The following PTK7 variants were observed in gnomAD, a reference collection of about 807,000 sequenced individuals.
PTK7 encodes inactive tyrosine-protein kinase 7.
A neutral mutation model predicts 116.6 loss-of-function variants in PTK7; 39 were observed. The observed-to-expected ratio is 0.33, with a 90% CI of 0.26 to 0.44. The LOEUF (loss-of-function observed/expected upper bound fraction) is 0.44, where lower values mean the gene tolerates loss of function less well. PTK7 is among the 20% of genes least tolerant of loss of function. PTK7 has a pLI of 1.00. For missense variants in PTK7, 1,169 were observed against 1,425.6 expected, an observed-to-expected ratio of 0.82 and a Z score of 2.90; for synonymous variants, 546 against 563.6, an observed-to-expected ratio of 0.97 and a Z score of 0.44.
Position 43,142,041 on chromosome 6 carries a change from G to A in PTK7, c.1879G>A (p.Gly627Ser), listed in dbSNP as rs1242088188. ...GDPKPLIQWK[G>S]KDRILDPTKL... ...CCCCAAGCCGCTGATTCAGTGGAAA[G>A]GCAAGGACCGCATCCTGGACCCCAC... Residue 627 changes from glycine to serine, a missense_variant, in exon 12 of 20, where the codon GGC becomes AGC. Physicochemically the swap from Gly to Ser is moderately conservative, Grantham distance 56. Around this residue, in one of 3 missense-constraint regions of PTK7, gnomAD observed 678 missense variants for 853.8 expected, o/e 0.79. Coordinates refer to ENST00000230419, the MANE Select transcript of PTK7 (RefSeq NM_002821.5). The A allele has an allele frequency of 6.2e-7, 1 of 1,613,974 alleles. No homozygotes were observed. Among genetic ancestry groups the A allele is most frequent in the Non-Finnish European group, 8.5e-7 (1 of 1,179,982 alleles).
In PTK7 at chr6:43,145,543, C is replaced by A; in HGVS notation, c.2640+111C>A. On this transcript the variant is annotated intron_variant, in intron 16 of 19. Transcript: ENST00000230419. The surrounding 1 kb of genome is among the most constrained non-coding windows in gnomAD (Gnocchi z 4.8). ...AAAACCTTGTCTCGTGCAGTCTCAG[C>A]CGAGACCTCACCTGCCTGCTGTTAC... 1 of 837,842 alleles carries A rather than the reference C, an allele frequency of 1.2e-6. No individual in the cohort carries two copies. Among genetic ancestry groups the A allele is most frequent in the Non-Finnish European group, 1.7e-6 (1 of 571,980 alleles). The allele number at this position is 837,842 out of a possible 1,614,324, so 51.9% of individuals were successfully genotyped here. A position where few individuals can be genotyped will look rare whatever the true frequency, so the allele number is the denominator to read the frequency against.
chr6:43,078,805 C>T lies in PTK7; in HGVS notation c.79+2238C>T, dbSNP rs535349370. On this transcript the variant is annotated intron_variant, in intron 1 of 19. Transcript: ENST00000230419. ...GGATTCTTAACCCCAACCTCTTGTA[C>T]AGTCAGCTGTGGTCACTTCTCATTC... 2.0e-5 allele frequency among the ~76,000 whole-genome samples: 3 copies of T among 152,316 alleles called. No homozygotes were observed. The South Asian group carries it at 6.2e-4, about 32-fold the overall frequency.
chr6:43,157,326 C>CTATATATA (rs376896300), intron 17 of PTK7, among the ~76,000 whole-genome samples: 126 of 21,870 alleles, frequency 5.8e-3, no homozygotes, highest in East Asian at 0.014. Context: ...GACACACACG[C>CTATATATA]TATATATATA....
intron 17 of PTK7, among the ~76,000 whole-genome samples, chr6:43,148,366 A>G (rs1471528795): frequency 1.3e-5 from 2 of 152,348 alleles, no homozygotes; most frequent in East Asian, 3.9e-4. Flanking sequence ...GAGGTAAAAC[A>G]GAAAGCAAGT....
At chr6:43,137,445 A>C (rs766016291) in intron 7 of PTK7, among the ~76,000 whole-genome samples, 2 of 152,198 alleles carry the variant, frequency 1.3e-5, no homozygotes, top group Non-Finnish European at 2.9e-5. Flanking sequence ...AGATAGTTCT[A>C]TTGACTGAGA....
intron 1 of PTK7, among the ~76,000 whole-genome samples, chr6:43,089,612 C>T (rs1261601664): frequency 6.6e-6 from 1 of 152,172 alleles, no homozygotes; most frequent in Non-Finnish European, 1.5e-5. Flanking sequence ...CAGATTAAAC[C>T]AGTTGTTAAA....
intron 1 of PTK7, among the ~76,000 whole-genome samples, chr6:43,122,412 T>C (rs1286923069): frequency 2.0e-5 from 3 of 152,046 alleles, no homozygotes; most frequent in Admixed American, 1.3e-4. Context: ...ACATTTATGC[T>C]TCTCAGGTTG....
intron 1 of PTK7, among the ~76,000 whole-genome samples, chr6:43,089,921 C>CT (rs1766855683): frequency 6.6e-6 from 1 of 152,230 alleles, no homozygotes; most frequent in East Asian, 1.9e-4. Context: ...GGACCTTGTC[C>CT]TTTGTTACTG....
chr6:43,153,998 A>G (rs993259370), intron 17 of PTK7, among the ~76,000 whole-genome samples: 2 of 152,070 alleles, frequency 1.3e-5, no homozygotes, highest in African/African-American at 4.8e-5. Context: ...CCCCGTTTCT[A>G]CTAAAAATAA....
chr6:43,099,379 A>G (rs1484016927), intron 1 of PTK7, among the ~76,000 whole-genome samples: 4 of 151,946 alleles, frequency 2.6e-5, no homozygotes, highest in African/African-American at 4.8e-5. Context: ...ACTACAGGCA[A>G]GCACCACCAT....
rs1561990544 is a variant in PTK7 at position 43,157,360 on chromosome 6, AT to A, written c.2722-1456del. Reference sequence around the variant, plus strand: ...TATATATATATATATATATATATATATATATTTTTTTTTTTCTTTTTTTTTT... The same window carrying A: ...TATATATATATATATATATATATATAATATTTTTTTTTTTCTTTTTTTTTT... On this transcript the variant is annotated intron_variant, in intron 17 of 19. Transcript: ENST00000230419. Among the ~76,000 whole-genome samples the A allele has an allele frequency of 1.6e-3, 13 of 8,028 alleles. 2 individuals are homozygous for A. Among genetic ancestry groups the A allele is most frequent in the African/African-American group, 6.0e-3 (11 of 1,826 alleles). 5.3% of individuals were successfully genotyped at this position (8,028 alleles called of 152,430 possible).
intron 7 of PTK7, among the ~76,000 whole-genome samples, chr6:43,134,805 C>A (rs969583334): frequency 6.6e-6 from 1 of 151,418 alleles, no homozygotes; most frequent in Non-Finnish European, 1.5e-5. Flanking sequence ...AAAAATTTAG[C>A]CAGGTATGGT....
intron 1 of PTK7, among the ~76,000 whole-genome samples, chr6:43,128,644 G>A (rs186936221): frequency 2.0e-5 from 3 of 152,186 alleles, no homozygotes; most frequent in Non-Finnish European, 4.4e-5. Context: ...AATTAGCTGG[G>A]TGTGGTGGCT....
At chr6:43,099,235 C>CTTTT (rs11375658) in intron 1 of PTK7, among the ~76,000 whole-genome samples, 4,112 of 136,948 alleles carry the variant, frequency 0.03, 225 homozygotes, top group African/African-American at 0.11. Context: ...ACTATTTTTC[C>CTTTT]TTTTTTTTTT....
At chr6:43,088,789 C>T (rs1002907825) in intron 1 of PTK7, among the ~76,000 whole-genome samples, 3 of 152,118 alleles carry the variant, frequency 2.0e-5, no homozygotes, top group South Asian at 2.1e-4. Context: ...GCCTAAATCC[C>T]GATGGCTTGA....
chr6:43,135,035 G>A (rs1053966922), intron 7 of PTK7, among the ~76,000 whole-genome samples: 3 of 152,142 alleles, frequency 2.0e-5, no homozygotes, highest in African/African-American at 7.2e-5. Flanking sequence ...TTCCAACCCA[G>A]GCTCTAGGGG....
At position 43,129,296 on chromosome 6, in the gene PTK7, C is replaced by G; in HGVS notation, c.367+32C>G. ...GCCAGGGGGGCTGTGCCCAGTCCCC[C>G]TGTCAGACCCTCAATGACTGAGGCC... On this transcript the variant is annotated intron_variant, in intron 2 of 19. Transcript: ENST00000230419. The surrounding 1 kb of genome is among the most constrained non-coding windows in gnomAD (Gnocchi z 4.5). 6.2e-7 allele frequency: 1 copy of G among 1,612,064 alleles called. No individual in the cohort carries two copies. The highest frequency in any genetic ancestry group is 8.5e-7 in the Non-Finnish European group (1 of 1,178,810).
chr6:43,141,532 C>A lies in PTK7; in HGVS notation c.1619-136C>A. The A allele has an allele frequency of 9.6e-7, 1 of 1,042,556 alleles. No individual in the cohort carries two copies. The highest frequency in any genetic ancestry group is 1.4e-6 in the Non-Finnish European group (1 of 714,084). 64.6% of individuals were successfully genotyped at this position (1,042,556 alleles called of 1,614,324 possible). On this transcript the variant is annotated intron_variant, in intron 10 of 19. Coordinates refer to ENST00000230419, the MANE Select transcript of PTK7 (RefSeq NM_002821.5). The surrounding 1 kb of genome is among the most constrained non-coding windows in gnomAD (Gnocchi z 4.9). ...TAACGGAGGGGCTTCTAACACTTGG[C>A]TCAGGAGTTTGGACTTTGCCTGTGG... is the stretch of plus-strand genomic sequence containing the variant.
chr6:43,077,003 T>A, intron 1 of PTK7: 1 of 1,453,330 alleles, frequency 6.9e-7, no homozygotes, highest in Non-Finnish European at 9.1e-7. Flanking sequence ...GTTGCTGGTT[T>A]GGGGCCCGAT....
Sources: gnomAD v4.1 joint callset for allele counts (sites outside exome capture counted in the v4.1 genomes callset) on GRCh38, gnomAD v4.1.1 for gene constraint, gnomAD v4.1.1 regional missense constraint, Gnocchi (gnomAD v3.1) non-coding constraint, MANE v1.5 for transcripts, NCBI Gene and HGNC (gene_info 2026-07-23, HGNC 2026-07-21) for gene names.